Variants in DLG2 observed in about 807,000 individuals in gnomAD.
DLG2 encodes discs large MAGUK scaffold protein 2.
DLG2 carries 45 observed loss-of-function variants against 132.5 expected under a neutral mutation model. The ratio of observed to expected loss-of-function variants is 0.34; its 90% CI spans 0.27 to 0.44. DLG2 has a LOEUF of 0.44. DLG2 is among the 20% of genes least tolerant of loss of function. DLG2 has a pLI of 1.00. For synonymous variants in DLG2, 424 were observed against 419.6 expected (o/e 1.01, Z -0.13); for missense variants, 1,045 against 1,196.9 (o/e 0.87, Z 1.87).
chr11:83,745,448 A>G (rs2092833271), intron 18 of DLG2, among the ~76,000 whole-genome samples: 1 of 151,998 alleles, frequency 6.6e-6, no homozygotes, highest in South Asian at 2.1e-4. Context: ...CTTTCATTTT[A>G]TCTCCAACTT....
At chr11:84,177,529 G>A (rs944689312) in intron 8 of DLG2, among the ~76,000 whole-genome samples, 1 of 152,128 alleles carries the variant, frequency 6.6e-6, no homozygotes, top group African/African-American at 2.4e-5. Flanking sequence ...CTTTAGAAAA[G>A]TTAAATAGCC....
chr11:84,445,504 G>A (rs1190888937), intron 7 of DLG2, among the ~76,000 whole-genome samples: 1 of 151,934 alleles, frequency 6.6e-6, no homozygotes, highest in Non-Finnish European at 1.5e-5. Flanking sequence ...TTCTTAATAT[G>A]GTTTGCATAA....
chr11:85,599,194 G>T (rs948593594), intron 2 of DLG2, among the ~76,000 whole-genome samples: 3 of 151,922 alleles, frequency 2.0e-5, no homozygotes, highest in Non-Finnish European at 4.4e-5. Context: ...CCACTATATA[G>T]TCCACACTCT....
At chr11:84,151,582 C>T (rs964884877) in intron 9 of DLG2, among the ~76,000 whole-genome samples, 1 of 152,048 alleles carries the variant, frequency 6.6e-6, no homozygotes. Context: ...TTTTCTTCTG[C>T]TAGCTTTGAG....
intron 4 of DLG2, among the ~76,000 whole-genome samples, chr11:85,249,806 C>T (rs150883496): frequency 6.6e-6 from 1 of 152,160 alleles, no homozygotes; most frequent in Non-Finnish European, 1.5e-5. Flanking sequence ...ATTACCTTTG[C>T]AGTAGTCCAG....
intron 19 of DLG2, among the ~76,000 whole-genome samples, chr11:83,629,300 G>T (rs1307646392): frequency 1.3e-5 from 2 of 152,148 alleles, no homozygotes; most frequent in African/African-American, 2.4e-5. Context: ...TTTGATGAAG[G>T]TCTGAATAAA....
intron 6 of DLG2, among the ~76,000 whole-genome samples, chr11:84,984,776 T>C (rs921419765): frequency 6.6e-6 from 1 of 151,942 alleles, no homozygotes; most frequent in Non-Finnish European, 1.5e-5. Flanking sequence ...AAACTTAAGG[T>C]AAAGGGATGG....
At chr11:85,172,405 CAG>C (rs1426853024) in intron 4 of DLG2, among the ~76,000 whole-genome samples, 1 of 152,126 alleles carries the variant, frequency 6.6e-6, no homozygotes, top group Non-Finnish European at 1.5e-5. Flanking sequence ...GAAAAACAAA[CAG>C]AAAGCTACAA....
chr11:83,979,591 G>A (rs1179907657), intron 12 of DLG2, among the ~76,000 whole-genome samples: 1 of 152,172 alleles, frequency 6.6e-6, no homozygotes, highest in Non-Finnish European at 1.5e-5. Flanking sequence ...GGTTCAGAAA[G>A]ACTGGCTGTG....
At chr11:83,503,879 T>C (rs140042436) in intron 21 of DLG2, among the ~76,000 whole-genome samples, 4 of 152,240 alleles carry the variant, frequency 2.6e-5, no homozygotes, top group African/African-American at 4.8e-5. Context: ...CTTGAACCCA[T>C]ACACATCTTC....
intron 3 of DLG2, among the ~76,000 whole-genome samples, chr11:85,422,687 T>C (rs1420134508): frequency 1.3e-5 from 2 of 152,028 alleles, no homozygotes; most frequent in South Asian, 2.1e-4. Flanking sequence ...GATGGGGTTT[T>C]ACCACATTGG....
chr11:84,232,603 G>C (rs2097108211), intron 8 of DLG2, among the ~76,000 whole-genome samples: 1 of 152,160 alleles, frequency 6.6e-6, no homozygotes, highest in African/African-American at 2.4e-5. Context: ...AGAAGAAGAT[G>C]AAGGAAAGAG....
chr11:83,997,096 A>G (rs71465586), intron 11 of DLG2, among the ~76,000 whole-genome samples: 3,359 of 147,906 alleles, frequency 0.023, 68 homozygotes, highest in Non-Finnish European at 0.033. Context: ...ATATATAACT[A>G]CTATGTACTC....
At chr11:84,086,223 T>C (rs1184580283) in intron 10 of DLG2, among the ~76,000 whole-genome samples, 1 of 152,154 alleles carries the variant, frequency 6.6e-6, no homozygotes, top group Admixed American at 6.5e-5. Flanking sequence ...ATTGTATCTT[T>C]AAATGAACAA....
At chr11:84,321,020 C>A (rs2098401407) in intron 7 of DLG2, among the ~76,000 whole-genome samples, 1 of 152,206 alleles carries the variant, frequency 6.6e-6, no homozygotes, top group Admixed American at 6.5e-5. Context: ...AGGTAATAAT[C>A]ACTTAAAATT....
chr11:83,739,594 G>C (rs1164202191), intron 18 of DLG2, among the ~76,000 whole-genome samples: 8 of 152,088 alleles, frequency 5.3e-5, no homozygotes, highest in Admixed American at 1.3e-4. Flanking sequence ...TATAAAAAAA[G>C]AGTTCAGCCT....
intron 6 of DLG2, among the ~76,000 whole-genome samples, chr11:84,603,790 G>T (rs1355775248): frequency 6.6e-6 from 1 of 151,928 alleles, no homozygotes; most frequent in African/African-American, 2.4e-5. Flanking sequence ...CCTACTATCT[G>T]CCAGACACTG....
chr11:84,203,780 G>A (rs142009302), intron 8 of DLG2, among the ~76,000 whole-genome samples: 1 of 151,876 alleles, frequency 6.6e-6, no homozygotes, highest in South Asian at 2.1e-4. Flanking sequence ...TTGTCAGAGG[G>A]TGTGGGTGAC....
chr11:83,539,522 C>T (rs1180543170), intron 20 of DLG2, among the ~76,000 whole-genome samples: 1 of 151,892 alleles, frequency 6.6e-6, no homozygotes, highest in Non-Finnish European at 1.5e-5. Context: ...TAAATGTTCC[C>T]ACCTTTCTAC....
Sources: allele counts gnomAD v4.1 joint callset (sites outside exome capture counted in the v4.1 genomes callset), GRCh38; gene constraint gnomAD v4.1.1; transcripts MANE v1.5; gene names NCBI Gene and HGNC (gene_info 2026-07-23, HGNC 2026-07-21).